The following ZNF44 variants were observed in gnomAD, a reference collection of about 807,000 sequenced individuals.
ZNF44 encodes gonadotropin inducible transcription repressor-2.
ZNF44 carries 9 observed loss-of-function variants against 11.7 expected under a neutral mutation model. That is an observed-to-expected ratio of 0.77 (90% CI 0.46 to 1.35). The LOEUF is 1.35. ZNF44 is among the 40% of genes most tolerant of loss of function. ZNF44 has a pLI of 0.00. For missense variants in ZNF44, 696 were observed against 743.1 expected (o/e 0.94, Z 0.74); for synonymous variants, 224 against 242.7 (o/e 0.92, Z 0.72).
intron 1 of ZNF44, 131 bp downstream of exon 1, chr19:12,294,561 G>A (rs1260095371): frequency 1.4e-5 from 18 of 1,286,980 alleles, no homozygotes; most frequent in Non-Finnish European, 1.7e-5. Context: ...GAGGACCGAG[G>A]TGCGCAGGGG....
chr19:12,252,018 T>C (rs1191999143), intron 5 of ZNF44, among the ~76,000 whole-genome samples: 1 of 145,496 alleles, frequency 6.9e-6, no homozygotes, highest in East Asian at 2.0e-4. Context: ...ACCATTGCAC[T>C]CCAGCCTGGG....
chr19:12,242,537 C>A, upstream of ZNF44, among the ~76,000 whole-genome samples: 1 of 146,096 alleles, frequency 6.8e-6, no homozygotes. Context: ...AAAAACTGGC[C>A]AGGCACATTG....
chr19:12,275,101 A>C, intron 2 of ZNF44, 68 bp from the exon 3 acceptor site: 1 of 1,177,188 alleles, frequency 8.5e-7, no homozygotes, highest in Non-Finnish European at 1.2e-6. Flanking sequence ...TTAAGATTTT[A>C]TGTACACTAC....
upstream of ZNF44, among the ~76,000 whole-genome samples, chr19:12,241,636 A>G (rs138238959): frequency 9.5e-3 from 1,449 of 152,324 alleles, 13 homozygotes; most frequent in Non-Finnish European, 0.013. Flanking sequence ...TGGAGGTTTC[A>G]GTGAGCCAAG....
chr19:12,276,322 G>C (rs1335519971), intron 1 of ZNF44, among the ~76,000 whole-genome samples: 3 of 152,212 alleles, frequency 2.0e-5, no homozygotes, highest in African/African-American at 7.2e-5. Context: ...AATTATGCAA[G>C]TGAATCTTAT....
intron 1 of ZNF44, chr19:12,285,188 C>T: frequency 4.1e-6 from 2 of 489,712 alleles, no homozygotes; most frequent in Non-Finnish European, 7.2e-6. Flanking sequence ...CAACATAGGG[C>T]TTTCATACAA....
chr19:12,252,385 C>G (rs1369547983), intron 5 of ZNF44, among the ~76,000 whole-genome samples: 1 of 152,192 alleles, frequency 6.6e-6, no homozygotes, highest in African/African-American at 2.4e-5. Flanking sequence ...TTGAGGGAAT[C>G]TGTCACCAGT....
intron 1 of ZNF44, among the ~76,000 whole-genome samples, chr19:12,235,586 T>C (rs1916354718): frequency 6.6e-6 from 1 of 152,104 alleles, no homozygotes; most frequent in South Asian, 2.1e-4. Flanking sequence ...ACAAATTGAA[T>C]CTAAAAATGT....
At chr19:12,238,380 A>C (rs1330996889), upstream of ZNF44, among the ~76,000 whole-genome samples, 1 of 151,994 alleles carries the variant, frequency 6.6e-6, no homozygotes, top group Non-Finnish European at 1.5e-5. Context: ...TAATCCTAGC[A>C]CTTTGGGAGG....
chr19:12,268,169 CACACACACACACA>C (rs1320200088), downstream of ZNF44, among the ~76,000 whole-genome samples: 270 of 143,952 alleles, frequency 1.9e-3, no homozygotes, highest in African/African-American at 6.3e-3. Flanking sequence ...CACACACACA[CACACACACACACA>C]AGCTCCTTCC....
In ZNF44 at chr19:12,237,501, A is replaced by G. The variant is rs377037016; in HGVS notation, n.89T>C. On this transcript the variant is annotated non_coding_transcript_exon_variant, in exon 1 of 4. Coordinates refer to the ZNF44 transcript ENST00000597563. ...GGGTCCTCCCTTGGCTCCGGAGATC[A>G]GTGCTGGTCACCACCGGACAGAAGC... 304 of 159,604 alleles carry G rather than the reference A, an allele frequency of 1.9e-3. 1 individual carries two copies. Among genetic ancestry groups the G allele is most frequent in the African/African-American group, 6.9e-3 (286 of 41,702 alleles). The allele number at this position is 159,604 out of a possible 1,614,324, so 9.9% of individuals were successfully genotyped here.
chr19:12,257,478 C>T (rs572221652), intron 5 of ZNF44, among the ~76,000 whole-genome samples: 30 of 151,970 alleles, frequency 2.0e-4, no homozygotes, highest in African/African-American at 6.3e-4. Flanking sequence ...GGTGAAACCC[C>T]GTCTTTACTT....
chr19:12,277,337 C>T (rs2438527), intron 1 of ZNF44, among the ~76,000 whole-genome samples: 59,329 of 152,016 alleles, frequency 0.39, 12,827 homozygotes, highest in African/African-American at 0.6. Flanking sequence ...TAACTTTCTA[C>T]TGGGTAATGT....
At chr19:12,256,885 T>A (rs1917285776) in intron 5 of ZNF44, among the ~76,000 whole-genome samples, 2 of 151,858 alleles carry the variant, frequency 1.3e-5, no homozygotes, top group Non-Finnish European at 2.9e-5. Flanking sequence ...TTGCATTTTT[T>A]AAAGTAGGGA....
At chr19:12,251,094 G>T (rs748865339) in intron 5 of ZNF44, among the ~76,000 whole-genome samples, 7 of 152,080 alleles carry the variant, frequency 4.6e-5, no homozygotes, top group African/African-American at 7.2e-5. Context: ...CACTTTGGGA[G>T]ACCGAGGAGG....
intron 3 of ZNF44, among the ~76,000 whole-genome samples, chr19:12,228,931 A>G (rs935736691): frequency 1.3e-5 from 2 of 152,310 alleles, no homozygotes; most frequent in East Asian, 3.9e-4. Context: ...TTTGGCAGAG[A>G]TAAGAATGAA....
At chr19:12,262,784 G>C (rs948601831) in intron 5 of ZNF44, among the ~76,000 whole-genome samples, 7 of 152,070 alleles carry the variant, frequency 4.6e-5, no homozygotes, top group Non-Finnish European at 1.0e-4. Flanking sequence ...CATTTTCAAA[G>C]CCAAAGAAAC....
chr19:12,265,070 G>C (rs1917673025), intron 5 of ZNF44, among the ~76,000 whole-genome samples: 1 of 151,882 alleles, frequency 6.6e-6, no homozygotes, highest in Non-Finnish European at 1.5e-5. Flanking sequence ...AATTCCTCTT[G>C]AAATCAACCA....
chr19:12,272,551 G>A lies in ZNF44; in HGVS notation c.1704C>T (p.Ala568=). 6.2e-7 allele frequency: 1 copy of A among 1,613,524 alleles called. No homozygotes were observed. The highest frequency in any genetic ancestry group is 8.5e-7 in the Non-Finnish European group (1 of 1,179,806). The change falls in exon 4 of 4, where the codon GCC becomes GCT. Residue 568 remains alanine, a synonymous_variant. Coordinates refer to ENST00000355684, the MANE Select transcript of ZNF44 (RefSeq NM_016264.4). The part of the protein sequence containing the change: ...RPYECKHCGK[A]FSRSSFCREH... ...CTCGACAGAAACTGGAACGACTGAA[G>A]GCTTTACCACAGTGTTTACATTCAT...
Sources: gnomAD v4.1 joint callset for allele counts (sites outside exome capture counted in the v4.1 genomes callset) on GRCh38, gnomAD v4.1.1 for gene constraint, MANE v1.5 for transcripts, NCBI Gene and HGNC (gene_info 2026-07-23, HGNC 2026-07-21) for gene names.